Variants in NVL observed in about 807,000 individuals in gnomAD.
NVL encodes the protein nuclear VCP like, also known as nuclear valosin-containing protein-like.
NVL carries 84 observed loss-of-function variants against 110.2 expected under a neutral mutation model. The observed-to-expected ratio is 0.76, with a 90% CI of 0.64 to 0.91. The LOEUF is 0.91. Among genes scored for constraint, NVL ranks in the 40% least tolerant of loss-of-function variants. NVL has a pLI of 0.00. For synonymous variants in NVL, 354 were observed against 361.1 expected, an observed-to-expected ratio of 0.98 and a Z score of 0.22; for missense variants, 882 against 1,035.9, an observed-to-expected ratio of 0.85 and a Z score of 2.04.
intron 17 of NVL, among the ~76,000 whole-genome samples, chr1:224,272,815 G>A (rs1452106644): frequency 2.7e-5 from 4 of 147,684 alleles, no homozygotes; most frequent in Non-Finnish European, 6.0e-5. Flanking sequence ...CGGGCGGATC[G>A]CGAGGTCAGG....
At chr1:224,295,521 AG>A (rs1272780716) in intron 11 of NVL, among the ~76,000 whole-genome samples, 6 of 152,016 alleles carry the variant, frequency 3.9e-5, no homozygotes, top group African/African-American at 1.4e-4. Flanking sequence ...TTTAGCTAGC[AG>A]GAAGCCATGA....
Position 224,281,277 on chromosome 1 carries a change from C to CTGTG in NVL, c.1900-96_1900-93dup, listed in dbSNP as rs774683945. On this transcript the variant is annotated intron_variant, in intron 15 of 22. Coordinates refer to ENST00000281701, the MANE Select transcript of NVL (RefSeq NM_002533.4). ...GATGATGTGTGACAATGAAAGGACT[C>CTGTG]TGTGTGCGTGTGTGTGTGTGTGTGT... 6,577 of 836,744 alleles carry CTGTG rather than the reference C, an allele frequency of 7.9e-3. 87 individuals are homozygous for CTGTG. Among genetic ancestry groups the CTGTG allele is most frequent in the African/African-American group, 0.043 (1,786 of 41,650 alleles). 51.8% of individuals were successfully genotyped at this position (836,744 alleles called of 1,614,324 possible).
chr1:224,296,588 C>A lies in NVL; in HGVS notation c.1093G>T (p.Glu365Ter). 6.3e-7 allele frequency: 1 copy of A among 1,598,052 alleles called. No individual in the cohort carries two copies. Among genetic ancestry groups the A allele is most frequent in the South Asian group, 1.1e-5 (1 of 87,258 alleles). Residue 365 changes from glutamate to a stop codon, truncating the protein, a stop_gained, in exon 11 of 23, where the codon GAA (glutamate) becomes TAA (stop). Transcript: ENST00000281701. LOFTEE classifies it high-confidence loss of function. ...SNAPCIIFID[E>*]IDAITPKREV... ...CTTTTGGGGGTAATAGCATCAATTT[C>A]ATCAATGAAAATGATACATGGTGCA...
chr1:224,319,289 TTTATA>T (rs1477908905), intron 2 of NVL, among the ~76,000 whole-genome samples: 1 of 151,768 alleles, frequency 6.6e-6, no homozygotes, highest in African/African-American at 2.4e-5. Flanking sequence ...AAAAATGGTC[TTTATA>T]GTTGTTTTTC....
intron 18 of NVL, among the ~76,000 whole-genome samples, chr1:224,263,133 G>A (rs1005981625): frequency 4.6e-5 from 7 of 152,176 alleles, no homozygotes; most frequent in Non-Finnish European, 7.3e-5. Flanking sequence ...GGATTAGAAG[G>A]GATGGGAGAG....
chr1:224,329,912 C>A (rs923154979), intron 1 of NVL, among the ~76,000 whole-genome samples, 159 bp downstream of exon 1: 9 of 152,138 alleles, frequency 5.9e-5, no homozygotes, highest in Admixed American at 1.3e-4. Context: ...GGGAAGGCCC[C>A]GGCAGCACCA....
Position 224,227,517 on chromosome 1 carries a change from T to A in NVL, c.*109A>T, listed in dbSNP as rs1291195003. ...GCCTCATTCATTTGAAAATAAAATG[T>A]TTACATGAGGCCGCGCCTGTGTCCA... On this transcript the variant is annotated 3_prime_UTR_variant, in exon 23 of 23. Coordinates refer to ENST00000281701, the MANE Select transcript of NVL (RefSeq NM_002533.4). The A allele has an allele frequency of 8.5e-6, 7 of 820,234 alleles. No individual in the cohort carries two copies. The highest frequency in any genetic ancestry group is 1.7e-5 in the African/African-American group (1 of 57,412). The allele number at this position is 820,234 out of a possible 1,614,324, so 50.8% of individuals were successfully genotyped here. A position where few individuals can be genotyped will look rare whatever the true frequency, so the allele number is the denominator to read the frequency against.
intron 17 of NVL, among the ~76,000 whole-genome samples, chr1:224,275,052 G>A (rs937240710): frequency 1.3e-5 from 2 of 152,138 alleles, no homozygotes; most frequent in Non-Finnish European, 2.9e-5. Flanking sequence ...AGATTATAAG[G>A]CAAGCTATTT....
intron 15 of NVL, 92 bp from the exon 16 acceptor site, chr1:224,281,277 C>CTGTGTGTGTGTGTGTGTGTG (rs774683945): frequency 9.5e-6 from 8 of 838,122 alleles, no homozygotes; most frequent in Admixed American, 2.1e-5. Flanking sequence ...TGAAAGGACT[C>CTGTGTGTGTGTGTGTGTGTG]TGTGTGCGTG....
intron 19 of NVL, among the ~76,000 whole-genome samples, chr1:224,239,804 T>C (rs992038384): frequency 6.6e-6 from 1 of 152,114 alleles, no homozygotes; most frequent in African/African-American, 2.4e-5. Context: ...ATTAAGAAAA[T>C]GACAAGCCTC....
chr1:224,252,219 C>T (rs753568905), intron 18 of NVL, among the ~76,000 whole-genome samples: 14 of 152,038 alleles, frequency 9.2e-5, no homozygotes, highest in Non-Finnish European at 2.1e-4. Context: ...TCAAAGGACA[C>T]CTCTTTCAGG....
At chr1:224,260,807 TCCTCCTG>T (rs1311888186) in intron 18 of NVL, among the ~76,000 whole-genome samples, 1 of 150,736 alleles carries the variant, frequency 6.6e-6, no homozygotes, top group East Asian at 2.0e-4. Context: ...TTTCAAGTGA[TCCTCCTG>T]CCTCAGCTTC....
At chr1:224,280,178 TG>T (rs1425730045) in intron 16 of NVL, among the ~76,000 whole-genome samples, 4 of 144,978 alleles carry the variant, frequency 2.8e-5, no homozygotes, top group African/African-American at 5.3e-5. Flanking sequence ...TGTTTTTTTT[TG>T]TTTTTTTTTT....
chr1:224,303,576 C>A, intron 9 of NVL, 147 bp downstream of exon 9: 1 of 660,902 alleles, frequency 1.5e-6, no homozygotes, highest in Non-Finnish European at 2.4e-6. Context: ...CAAATAATAC[C>A]AGCATGATAA....
intron 16 of NVL, among the ~76,000 whole-genome samples, chr1:224,280,180 T>C (rs1037150132): frequency 9.0e-6 from 1 of 110,726 alleles, no homozygotes; most frequent in Non-Finnish European, 1.8e-5. Context: ...TTTTTTTTTG[T>C]TTTTTTTTTT....
intron 4 of NVL, among the ~76,000 whole-genome samples, chr1:224,313,678 C>T (rs1291117544): frequency 2.0e-5 from 3 of 152,104 alleles, no homozygotes; most frequent in African/African-American, 7.2e-5. Context: ...AACAAAAAAA[C>T]TAACCTCAAT....
chr1:224,273,138 C>T (rs1044703492), intron 17 of NVL, among the ~76,000 whole-genome samples: 1 of 151,616 alleles, frequency 6.6e-6, no homozygotes, highest in African/African-American at 2.4e-5. Context: ...GTAGGCTGGG[C>T]GTGGTGGCTC....
At chr1:224,245,633 C>T (rs1661718468) in intron 19 of NVL, among the ~76,000 whole-genome samples, 1 of 152,136 alleles carries the variant, frequency 6.6e-6, no homozygotes, top group African/African-American at 2.4e-5. Context: ...TGAGGACTGA[C>T]TATGCAGCAG....
chr1:224,265,635 G>A (rs1401177575), intron 18 of NVL, among the ~76,000 whole-genome samples: 1 of 152,176 alleles, frequency 6.6e-6, no homozygotes, highest in South Asian at 2.1e-4. Flanking sequence ...CAAATTTCAC[G>A]TGTTGGAAAC....
Sources: allele counts gnomAD v4.1 joint callset (sites outside exome capture counted in the v4.1 genomes callset), GRCh38; gene constraint gnomAD v4.1.1; transcripts MANE v1.5; gene names NCBI Gene and HGNC (gene_info 2026-07-23, HGNC 2026-07-21).